MAP2K4: variants seen among roughly 807,000 people sequenced by gnomAD.
The protein encoded by MAP2K4 is dual specificity mitogen-activated protein kinase kinase 4.
MAP2K4 carries 4 observed loss-of-function variants against 48.5 expected under a neutral mutation model. That is an observed-to-expected ratio of 0.08 (90% confidence interval 0.04 to 0.19). MAP2K4 has a LOEUF of 0.19. Ranked by LOEUF, MAP2K4 falls within the 10% of genes least tolerant of loss-of-function variation. MAP2K4 has a pLI of 1.00. For synonymous variants in MAP2K4, 166 were observed against 173.1 expected (o/e 0.96, Z 0.32); for missense variants, 258 against 493.3 (o/e 0.52, Z 4.52).
At position 12,021,006 on chromosome 17, in the gene MAP2K4, G is replaced by C; in HGVS notation, c.115+5G>C. The C allele has an allele frequency of 1.7e-6, 2 of 1,207,832 alleles. No homozygotes were observed. Among genetic ancestry groups the C allele is most frequent in the East Asian group, 6.7e-5 (2 of 29,730 alleles). 74.8% of individuals were successfully genotyped at this position (1,207,832 alleles called of 1,614,324 possible). On this transcript the variant is annotated splice_donor_5th_base_variant and intron_variant, in intron 1 of 10. Transcript: ENST00000353533. Reference sequence around the variant, plus strand: ...CGGCCGTCAGCAGCATGCAGGGTAAGGAACGCGGCCGCGCCGAGATCCCAG... The same window carrying C: ...CGGCCGTCAGCAGCATGCAGGGTAACGAACGCGGCCGCGCCGAGATCCCAG...
At chr17:12,085,346 A>G (rs964512333) in intron 3 of MAP2K4, among the ~76,000 whole-genome samples, 1 of 152,034 alleles carries the variant, frequency 6.6e-6, no homozygotes, top group Admixed American at 6.6e-5. Context: ...GGTAGGTGGG[A>G]ATAAGAATGT....
chr17:12,095,976 C>T (rs868761672), intron 4 of MAP2K4, among the ~76,000 whole-genome samples: 1 of 123,860 alleles, frequency 8.1e-6, no homozygotes, highest in Middle Eastern at 5.3e-3. Context: ...CAAATATTTT[C>T]TGTTCTTTAA....
rs2151524033 is a variant in MAP2K4, at chr17:12,052,088, C to CA, written c.116-2800dup. Reference sequence around the variant, plus strand: ...TTCAAGTTCATCTTAAACTGATCAGCATTTGAAGAGTTGGGGTACACAGAT... The same window carrying CA: ...TTCAAGTTCATCTTAAACTGATCAGCAATTTGAAGAGTTGGGGTACACAGAT... On this transcript the variant is annotated intron_variant, in intron 1 of 10. Transcript: ENST00000353533. Among the ~76,000 whole-genome samples, 3 of 152,220 alleles carry CA rather than the reference C, an allele frequency of 2.0e-5. No homozygotes were observed. The East Asian group carries it at 5.8e-4, about 29-fold the overall frequency.
intron 8 of MAP2K4, among the ~76,000 whole-genome samples, chr17:12,126,700 G>C (rs1972865247): frequency 6.6e-6 from 1 of 152,048 alleles, no homozygotes; most frequent in Admixed American, 6.5e-5. Context: ...GGATTTGCTG[G>C]GGGGTGGGGA....
intron 9 of MAP2K4, among the ~76,000 whole-genome samples, chr17:12,134,537 G>A (rs1289165285): frequency 2.0e-5 from 3 of 152,126 alleles, no homozygotes; most frequent in Non-Finnish European, 4.4e-5. Flanking sequence ...ATGAACATGA[G>A]GTAAATGGTA....
intron 1 of MAP2K4, among the ~76,000 whole-genome samples, chr17:12,043,353 C>T (rs923225760): frequency 2.6e-5 from 4 of 152,094 alleles, no homozygotes; most frequent in Non-Finnish European, 5.9e-5. Flanking sequence ...TTTTCTGACA[C>T]CAAGCAATTC....
chr17:12,127,506 T>A (rs2151589687), intron 8 of MAP2K4, among the ~76,000 whole-genome samples: 1 of 152,364 alleles, frequency 6.6e-6, no homozygotes, highest in Non-Finnish European at 1.5e-5. Context: ...TTTAGCAAGT[T>A]TCTTTTAGTA....
At chr17:12,113,647 T>C (rs1384313176) in intron 7 of MAP2K4, among the ~76,000 whole-genome samples, 3 of 152,216 alleles carry the variant, frequency 2.0e-5, no homozygotes, top group Non-Finnish European at 2.9e-5. Flanking sequence ...ATTAAACAGA[T>C]GGTAACTTCT....
intron 2 of MAP2K4, among the ~76,000 whole-genome samples, chr17:12,062,020 T>G (rs1407617586): frequency 6.6e-6 from 1 of 151,970 alleles, no homozygotes; most frequent in African/African-American, 2.4e-5. Flanking sequence ...TCTCTCAACA[T>G]AGTTAAATAC....
chr17:12,042,653 A>AACAG (rs1289430007), intron 1 of MAP2K4, among the ~76,000 whole-genome samples: 24 of 150,614 alleles, frequency 1.6e-4, no homozygotes, highest in Non-Finnish European at 3.6e-4. Context: ...AAAACAAACA[A>AACAG]ACAAAAAACT....
In MAP2K4 at chr17:12,095,641, C is replaced by A. The variant is rs1567657403; in HGVS notation, c.460C>A (p.Arg154=). ...QLLMDLDVVM[R]SSDCPYIVQF... is the part of the protein sequence containing the mutation. ...TCTTATGGATTTGGATGTAGTAATG[C>A]GGAGTAGTGATTGCCCATACATTGT... The change falls in exon 4 of 11, where the codon CGG becomes AGG. Residue 154 remains arginine, a synonymous_variant. Coordinates refer to ENST00000353533, the MANE Select transcript of MAP2K4 (RefSeq NM_003010.4). 4.3e-6 allele frequency: 7 copies of A among 1,613,720 alleles called. No homozygotes were observed. Among genetic ancestry groups the A allele is most frequent in the South Asian group, 1.1e-5 (1 of 91,064 alleles).
intron 8 of MAP2K4, among the ~76,000 whole-genome samples, chr17:12,128,305 C>T (rs1972917884): frequency 6.6e-6 from 1 of 152,196 alleles, no homozygotes; most frequent in African/African-American, 2.4e-5. Context: ...TGTCCATCTC[C>T]TGACCTCCTG....
chr17:12,023,177 T>G (rs967589931), intron 1 of MAP2K4, among the ~76,000 whole-genome samples: 3 of 152,230 alleles, frequency 2.0e-5, no homozygotes, highest in African/African-American at 7.2e-5. Flanking sequence ...TCTTGAAACT[T>G]TTTTCATTAG....
At chr17:12,130,012 A>T (rs1972974177) in intron 9 of MAP2K4, among the ~76,000 whole-genome samples, 1 of 152,192 alleles carries the variant, frequency 6.6e-6, no homozygotes, top group Non-Finnish European at 1.5e-5. Flanking sequence ...TGTTTATCCA[A>T]CATGATTTAA....
rs1973387714 is a variant in MAP2K4, at chr17:12,141,904, T to C, written c.*644T>C. ...GAATTTATCTTTACCAAAAACCATG[T>C]TGCGTTCAAAGAGGTGAACATTAAA... On this transcript the variant is annotated 3_prime_UTR_variant, in exon 11 of 11. Coordinates refer to ENST00000353533, the MANE Select transcript of MAP2K4 (RefSeq NM_003010.4). 8.6e-6 allele frequency: 2 copies of C among 233,486 alleles called. No individual in the cohort carries two copies. The highest frequency in any genetic ancestry group is 5.6e-5 in the Admixed American group (1 of 17,786). The allele number at this position is 233,486 out of a possible 1,614,324, so 14.5% of individuals were successfully genotyped here.
intron 1 of MAP2K4, chr17:12,036,385 T>C (rs1379468849): frequency 6.6e-6 from 1 of 152,250 alleles, no homozygotes; most frequent in Non-Finnish European, 1.5e-5. Flanking sequence ...ATATAATTTA[T>C]GACCGTATCT....
chr17:12,119,562 G>A (rs1162461788), intron 7 of MAP2K4, among the ~76,000 whole-genome samples: 1 of 152,236 alleles, frequency 6.6e-6, no homozygotes, highest in Non-Finnish European at 1.5e-5. Context: ...TTCAACCATT[G>A]TGGAAAGCAG....
At chr17:12,022,989 G>A (rs1279939114) in intron 1 of MAP2K4, among the ~76,000 whole-genome samples, 1 of 152,146 alleles carries the variant, frequency 6.6e-6, no homozygotes, top group Non-Finnish European at 1.5e-5. Context: ...TTTTTCTGAT[G>A]CTGTCCGTTC....
At chr17:12,048,395 G>A (rs1435521274) in intron 1 of MAP2K4, among the ~76,000 whole-genome samples, 2 of 152,126 alleles carry the variant, frequency 1.3e-5, no homozygotes, top group African/African-American at 4.8e-5. Flanking sequence ...ATATTTACTT[G>A]ATTTCTTAAA....
Sources: gnomAD v4.1 joint callset for allele counts (sites outside exome capture counted in the v4.1 genomes callset) on GRCh38, gnomAD v4.1.1 for gene constraint, MANE v1.5 for transcripts, NCBI Gene and HGNC (gene_info 2026-07-23, HGNC 2026-07-21) for gene names.